The following FHOD3 variants were observed in gnomAD, a reference collection of about 807,000 sequenced individuals.
FHOD3 encodes the protein formin homology 2 domain containing 3.
FHOD3 carries 90 observed loss-of-function variants against 173.0 expected under a neutral mutation model. The observed-to-expected ratio is 0.52, with a 90% confidence interval of 0.44 to 0.62. The LOEUF is 0.62. Among genes scored for constraint, FHOD3 ranks in the 20% least tolerant of loss-of-function variants. The pLI, the probability that FHOD3 is intolerant of heterozygous loss-of-function variation, is 0.00. For missense variants in FHOD3, 1,945 were observed against 2,034.7 expected, an observed-to-expected ratio of 0.96 and a Z score of 0.85; for synonymous variants, 828 against 823.0, an observed-to-expected ratio of 1.01 and a Z score of -0.10.
intron 5 of FHOD3, among the ~76,000 whole-genome samples, chr18:36,524,878 A>C (rs553215741): frequency 7.0e-4 from 107 of 152,302 alleles, no homozygotes; most frequent in African/African-American, 2.5e-3. Flanking sequence ...GCTTTATGTG[A>C]GTCAGTCACT....
intron 5 of FHOD3, among the ~76,000 whole-genome samples, chr18:36,534,029 G>A (rs943252523): frequency 1.3e-5 from 2 of 152,148 alleles, no homozygotes; most frequent in African/African-American, 4.8e-5. Flanking sequence ...CCCTTAGAGT[G>A]GTGATGACCC....
At chr18:36,522,816 G>A (rs1401817133) in intron 5 of FHOD3, among the ~76,000 whole-genome samples, 5 of 152,210 alleles carry the variant, frequency 3.3e-5, no homozygotes, top group African/African-American at 4.8e-5. Context: ...ACCAAGAAAT[G>A]TGTGTGCATG....
At chr18:36,409,946 G>A (rs540992130) in intron 3 of FHOD3, among the ~76,000 whole-genome samples, 5 of 152,356 alleles carry the variant, frequency 3.3e-5, no homozygotes, top group South Asian at 4.1e-4. Flanking sequence ...AAGACAGGGC[G>A]TTGCCCGGGT....
intron 5 of FHOD3, among the ~76,000 whole-genome samples, chr18:36,575,604 GA>G (rs2058619492): frequency 6.6e-6 from 1 of 152,132 alleles, no homozygotes; most frequent in African/African-American, 2.4e-5. Context: ...ATGTTGTTTA[GA>G]AAAATGTCAA....
chr18:36,408,960 C>T (rs1451465474), intron 3 of FHOD3, among the ~76,000 whole-genome samples: 6 of 152,168 alleles, frequency 3.9e-5, no homozygotes, highest in East Asian at 1.9e-4. Flanking sequence ...ATTATTATTG[C>T]GAGGAGGGGC....
chr18:36,618,251 T>G (rs1384617105), intron 9 of FHOD3, among the ~76,000 whole-genome samples: 1 of 151,850 alleles, frequency 6.6e-6, no homozygotes, highest in Non-Finnish European at 1.5e-5. Flanking sequence ...TTTCTTTTCA[T>G]CTTTTAACCA....
At chr18:36,636,150 TCTC>T (rs1305053561) in intron 10 of FHOD3, among the ~76,000 whole-genome samples, 2 of 152,162 alleles carry the variant, frequency 1.3e-5, no homozygotes, top group Admixed American at 6.5e-5. Context: ...AGATGCACCT[TCTC>T]CTCTGTGTTC....
At chr18:36,326,249 T>G (rs900684293) in intron 1 of FHOD3, among the ~76,000 whole-genome samples, 2 of 152,240 alleles carry the variant, frequency 1.3e-5, no homozygotes, top group African/African-American at 2.4e-5. Context: ...AGTGGCATAA[T>G]TAGGTTGACT....
At position 36,565,577 on chromosome 18, in the gene FHOD3, T is replaced by G. The variant is rs1221629207; in HGVS notation, c.512-10874T>G. Among the ~76,000 whole-genome samples, 3 of 152,202 alleles carry G rather than the reference T, an allele frequency of 2.0e-5. No homozygotes were observed. The East Asian group carries it at 5.8e-4, about 29-fold the overall frequency. ...AAACCTAGTTACCACTGATACTTGCTTATAGCAGAATGTTGCCCTGTGGTA... is the reference window on the plus strand; with the variant it reads ...AAACCTAGTTACCACTGATACTTGCGTATAGCAGAATGTTGCCCTGTGGTA... On this transcript the variant is annotated intron_variant, in intron 5 of 28. Coordinates refer to ENST00000590592, the MANE Select transcript of FHOD3 (RefSeq NM_001281740.3).
intron 5 of FHOD3, among the ~76,000 whole-genome samples, chr18:36,524,757 G>C (rs1489056803): frequency 6.6e-6 from 1 of 152,114 alleles, no homozygotes; most frequent in African/African-American, 2.4e-5. Flanking sequence ...CCCAAATCTA[G>C]ATTTCGTTGC....
intron 5 of FHOD3, among the ~76,000 whole-genome samples, chr18:36,515,054 G>A (rs2055888188): frequency 6.6e-6 from 1 of 152,166 alleles, no homozygotes; most frequent in Non-Finnish European, 1.5e-5. Flanking sequence ...CGGCCTGCAG[G>A]CTTTTGAGGG....
At chr18:36,312,533 C>T (rs1647313155) in intron 1 of FHOD3, among the ~76,000 whole-genome samples, 1 of 152,174 alleles carries the variant, frequency 6.6e-6, no homozygotes, top group Non-Finnish European at 1.5e-5. Context: ...CATACTGCCT[C>T]AGCGAGGAGC....
At chr18:36,539,279 A>G (rs2057113964) in intron 5 of FHOD3, among the ~76,000 whole-genome samples, 1 of 152,212 alleles carries the variant, frequency 6.6e-6, no homozygotes, top group African/African-American at 2.4e-5. Flanking sequence ...GTTGGCTGAA[A>G]TCCAGGACAT....
intron 3 of FHOD3, among the ~76,000 whole-genome samples, chr18:36,483,745 TA>T (rs1232585006): frequency 2.0e-5 from 3 of 152,232 alleles, no homozygotes; most frequent in Admixed American, 2.0e-4. Flanking sequence ...TTGAATGTCA[TA>T]CATTTCGCCA....
intron 1 of FHOD3, among the ~76,000 whole-genome samples, chr18:36,331,994 G>A (rs1346743606): frequency 6.6e-6 from 1 of 152,120 alleles, no homozygotes; most frequent in Non-Finnish European, 1.5e-5. Context: ...GCTGAAAGAG[G>A]GCACCTTCTG....
intron 10 of FHOD3, among the ~76,000 whole-genome samples, chr18:36,636,878 C>G (rs1023885210): frequency 1.3e-5 from 2 of 152,092 alleles, no homozygotes; most frequent in African/African-American, 4.8e-5. Flanking sequence ...ACTGAATTAC[C>G]AGACTTCAGA....
At chr18:36,319,171 G>A (rs2044274708) in intron 1 of FHOD3, among the ~76,000 whole-genome samples, 1 of 151,962 alleles carries the variant, frequency 6.6e-6, no homozygotes, top group Non-Finnish European at 1.5e-5. Context: ...CAGTGATATT[G>A]GCCTAAAATT....
chr18:36,332,769 G>A (rs752482703), intron 1 of FHOD3, among the ~76,000 whole-genome samples: 6 of 152,164 alleles, frequency 3.9e-5, no homozygotes, highest in Admixed American at 2.0e-4. Flanking sequence ...GCGGTAAGGC[G>A]GTTGCCAGCG....
At chr18:36,432,477 C>T (rs1374682308) in intron 3 of FHOD3, among the ~76,000 whole-genome samples, 1 of 152,152 alleles carries the variant, frequency 6.6e-6, no homozygotes, top group Non-Finnish European at 1.5e-5. Context: ...GCAGGGATGA[C>T]TCAGCCAACT....
Sources: allele counts gnomAD v4.1 joint callset (sites outside exome capture counted in the v4.1 genomes callset), GRCh38; gene constraint gnomAD v4.1.1; transcripts MANE v1.5; gene names NCBI Gene and HGNC (gene_info 2026-07-23, HGNC 2026-07-21).